The following EP300 variants were observed in gnomAD, a reference collection of about 807,000 sequenced individuals.
The protein encoded by EP300 is histone acetyltransferase p300.
EP300 carries 31 observed loss-of-function variants against 264.0 expected under a neutral mutation model. That is an observed-to-expected ratio of 0.12 (90% CI 0.09 to 0.16). EP300 has a LOEUF of 0.16. EP300 is among the 10% of genes least tolerant of loss of function. The probability of loss-of-function intolerance (pLI) is 1.00; values close to 1 mark genes in which losing one functional copy is unlikely to be tolerated. For missense variants in EP300, 2,766 were observed against 3,052.9 expected (o/e 0.91, Z 2.21); for synonymous variants, 1,340 against 1,045.4 (o/e 1.28, Z -5.44).
At chr22:41,174,094 G>A (rs1302419278) in intron 29 of EP300, among the ~76,000 whole-genome samples, 2 of 151,622 alleles carry the variant, frequency 1.3e-5, no homozygotes, top group African/African-American at 2.4e-5. Context: ...TGGGCAACAA[G>A]AGCGAAACTC....
chr22:41,145,116 T>TG (rs1239235283), intron 10 of EP300, among the ~76,000 whole-genome samples: 1 of 152,184 alleles, frequency 6.6e-6, no homozygotes, highest in Non-Finnish European at 1.5e-5. Flanking sequence ...ATTGTTGACT[T>TG]GAAAAAAAAG....
At position 41,092,911 on chromosome 22, in the gene EP300, C is replaced by T. The variant is rs1485085111; in HGVS notation, c.-94C>T. On this transcript the variant is annotated 5_prime_UTR_variant, in exon 1 of 31. Coordinates refer to ENST00000263253, the MANE Select transcript of EP300 (RefSeq NM_001429.4). ...CTCGGGTGCCGTCGGAGCCCCCCAGCCCACCCCTGGGTGCGGCGCGGGGAC... is the reference window on the plus strand; with the variant it reads ...CTCGGGTGCCGTCGGAGCCCCCCAGTCCACCCCTGGGTGCGGCGCGGGGAC... The T allele has an allele frequency of 2.0e-5, 28 of 1,431,386 alleles. No individual in the cohort carries two copies. In the Admixed American group the frequency reaches 4.3e-4, roughly 22 times the overall value. 88.7% of individuals were successfully genotyped at this position (1,431,386 alleles called of 1,614,324 possible). A position where few individuals can be genotyped will look rare whatever the true frequency, so the allele number is the denominator to read the frequency against.
chr22:41,169,005 A>T, intron 25 of EP300, 138 bp downstream of exon 25: 6 of 1,238,660 alleles, frequency 4.8e-6, no homozygotes, highest in Non-Finnish European at 7.0e-6. Flanking sequence ...CAGTAATTTT[A>T]AAGTGAAACA....
intron 2 of EP300, among the ~76,000 whole-genome samples, chr22:41,118,153 C>T (rs2058831959): frequency 6.6e-6 from 1 of 152,192 alleles, no homozygotes; most frequent in African/African-American, 2.4e-5. Flanking sequence ...ATTACACTGT[C>T]TTCAGATGGA....
chr22:41,168,678 G>A lies in EP300; in HGVS notation c.4026-43G>A, dbSNP rs369105886. 2.5e-6 allele frequency: 4 copies of A among 1,614,214 alleles called. No individual in the cohort carries two copies. In the South Asian group the frequency reaches 4.4e-5, roughly 18 times the overall value. ...TGGTTACTATTGGTGATTCCAGTCTGAATGAGTTATGTTGTGGTTCCCCCA... is the reference window on the plus strand; with the variant it reads ...TGGTTACTATTGGTGATTCCAGTCTAAATGAGTTATGTTGTGGTTCCCCCA... On this transcript the variant is annotated intron_variant, in intron 24 of 30. Coordinates refer to ENST00000263253, the MANE Select transcript of EP300 (RefSeq NM_001429.4).
intron 2 of EP300, among the ~76,000 whole-genome samples, chr22:41,125,561 C>T (rs942206331): frequency 1.4e-4 from 21 of 152,196 alleles, no homozygotes; most frequent in South Asian, 6.2e-4. Context: ...TCGCCAGGCC[C>T]GGCCACTTGG....
rs1481450420 is a variant in EP300, at chr22:41,168,827, G to A, written c.4132G>A (p.Val1378Ile). The change falls in exon 25 of 31, where the codon GTT (valine) becomes ATT (isoleucine). Residue 1378 changes from valine to isoleucine, a missense_variant. Coordinates refer to ENST00000263253, the MANE Select transcript of EP300 (RefSeq NM_001429.4). ...GVDLCFFGMH[V>I]QEYGSDCPPP... The stretch of plus-strand genomic sequence containing the variant: ...TGACCTGTGCTTCTTTGGCATGCAT[G>A]TTCAAGAGTATGGCTCTGACTGCCC... 3 of 1,614,186 alleles carry A rather than the reference G, an allele frequency of 1.9e-6. No individual in the cohort carries two copies. The highest frequency in any genetic ancestry group is 2.5e-6 in the Non-Finnish European group (3 of 1,180,040).
At chr22:41,113,788 C>T (rs762662401) in intron 1 of EP300, among the ~76,000 whole-genome samples, 14 of 152,170 alleles carry the variant, frequency 9.2e-5, no homozygotes, top group South Asian at 2.1e-4. Flanking sequence ...CCTCGTGATC[C>T]GCCCACCTCG....
chr22:41,127,399 G>C, intron 3 of EP300, 88 bp from the exon 4 acceptor site: 2 of 1,562,510 alleles, frequency 1.3e-6, no homozygotes, highest in South Asian at 1.1e-5. Context: ...TAACCATAAA[G>C]GTTTTCATTG....
intron 1 of EP300, among the ~76,000 whole-genome samples, chr22:41,110,593 C>T (rs961547993): frequency 7.2e-5 from 11 of 151,984 alleles, no homozygotes; most frequent in Non-Finnish European, 1.3e-4. Context: ...CTACCACATC[C>T]GGCCTATATC....
At chr22:41,132,442 C>T (rs1474522255) in intron 6 of EP300, among the ~76,000 whole-genome samples, 1 of 151,690 alleles carries the variant, frequency 6.6e-6, no homozygotes, top group East Asian at 2.0e-4. Context: ...CGCGTGCCAC[C>T]ATGCCCAGCT....
At chr22:41,102,391 A>G (rs944945229) in intron 1 of EP300, among the ~76,000 whole-genome samples, 2 of 152,010 alleles carry the variant, frequency 1.3e-5, no homozygotes, top group African/African-American at 4.8e-5. Context: ...ACAGATAGAG[A>G]TAGGATTAGT....
intron 1 of EP300, among the ~76,000 whole-genome samples, chr22:41,113,157 ACC>A: frequency 1.1e-5 from 1 of 92,896 alleles, no homozygotes; most frequent in East Asian, 3.3e-4. Context: ...TCAGGATTCC[ACC>A]CCCCCCCCAA....
chr22:41,125,926 G>T lies in EP300; in HGVS notation c.792G>T (p.Gln264His), dbSNP rs1188127391. The T allele has an allele frequency of 6.2e-7, 1 of 1,614,172 alleles. No homozygotes were observed. The highest frequency in any genetic ancestry group is 8.5e-7 in the Non-Finnish European group (1 of 1,180,024). ...GSPYTQNPGQQIGASGLGLQI... is the reference protein window; with the variant it reads ...GSPYTQNPGQHIGASGLGLQI... ...CATATACTCAGAATCCTGGACAGCA[G>T]ATTGGAGCCAGTGGCCTTGGTCTCC... The change falls in exon 3 of 31, where the codon CAG (glutamine) becomes CAT (histidine). Residue 264 changes from glutamine (Q) to histidine (H), a missense_variant. Transcript: ENST00000263253.
intron 7 of EP300, among the ~76,000 whole-genome samples, 154 bp from the exon 8 acceptor site, chr22:41,137,499 G>C (rs2058958380): frequency 6.6e-6 from 1 of 151,988 alleles, no homozygotes; most frequent in Admixed American, 6.6e-5. Flanking sequence ...TTTAAAATCA[G>C]TCTAGTCACA....
intron 1 of EP300, among the ~76,000 whole-genome samples, chr22:41,102,192 C>T (rs993677274): frequency 2.6e-5 from 4 of 152,008 alleles, no homozygotes; most frequent in Non-Finnish European, 4.4e-5. Flanking sequence ...AGGAACTTAT[C>T]CTCTGTACAT....
intron 3 of EP300, among the ~76,000 whole-genome samples, chr22:41,127,072 C>T (rs1216422455): frequency 1.3e-5 from 2 of 152,098 alleles, no homozygotes; most frequent in African/African-American, 4.8e-5. Flanking sequence ...ATTTAAAAAA[C>T]TAAATTTATC....
Position 41,179,890 on chromosome 22 carries a change from ACACACACACAC to A in EP300, c.*935_*945del. The A allele has an allele frequency of 1.4e-5, 1 of 72,164 alleles. No homozygotes were observed. Among genetic ancestry groups the A allele is most frequent in the Non-Finnish European group, 2.8e-5 (1 of 36,230 alleles). The allele number at this position is 72,164 out of a possible 1,614,324, so 4.5% of individuals were successfully genotyped here. ...TACCCTACCCCCCACTCACACACAC[ACACACACACAC>A]ACACACACACACACACACACACTTT... On this transcript the variant is annotated 3_prime_UTR_variant, in exon 31 of 31. Transcript: ENST00000263253.
intron 1 of EP300, among the ~76,000 whole-genome samples, chr22:41,112,930 C>G (rs950740267): frequency 4.6e-5 from 7 of 152,192 alleles, no homozygotes; most frequent in Admixed American, 3.3e-4. Flanking sequence ...CCCTTCCCCC[C>G]TTTTTTGCTG....
Sources: allele counts gnomAD v4.1 joint callset (sites outside exome capture counted in the v4.1 genomes callset), GRCh38; gene constraint gnomAD v4.1.1; transcripts MANE v1.5; gene names NCBI Gene and HGNC (gene_info 2026-07-23, HGNC 2026-07-21).